MED13L: variants seen among roughly 807,000 people sequenced by gnomAD.
MED13L encodes the protein mediator of RNA polymerase II transcription subunit 13-like.
MED13L carries 7 observed loss-of-function variants against 220.9 expected under a neutral mutation model. The ratio of observed to expected loss-of-function variants is 0.03; its 90% CI spans 0.02 to 0.06. The LOEUF is 0.06. Ranked by LOEUF, MED13L falls within the 10% of genes least tolerant of loss-of-function variation. The probability of loss-of-function intolerance (pLI) is 1.00; values close to 1 mark genes in which losing one functional copy is unlikely to be tolerated. For missense variants in MED13L, 1,965 were observed against 2,760.5 expected (o/e 0.71, Z 6.46); for synonymous variants, 1,011 against 1,015.2 (o/e 1.00, Z 0.08).
intron 2 of MED13L, among the ~76,000 whole-genome samples, chr12:116,230,197 A>C (rs1445525778): frequency 6.6e-6 from 1 of 152,170 alleles, no homozygotes; most frequent in Non-Finnish European, 1.5e-5. Flanking sequence ...TGAGGTCAGG[A>C]GTTCAAGACC....
At position 116,135,601 on chromosome 12, in the gene MED13L, T is replaced by C. The variant is rs534466159; in HGVS notation, c.311-24089A>G. On this transcript the variant is annotated intron_variant, in intron 2 of 30. Coordinates refer to ENST00000281928, the MANE Select transcript of MED13L (RefSeq NM_015335.5). ...TGCCACCAAATTTGGGGTGGTTTGT[T>C]ACACAGCAAAGGATAACTGGAGCAA... 1.4e-4 allele frequency among the ~76,000 whole-genome samples: 21 copies of C among 152,324 alleles called. No individual in the cohort carries two copies. In the South Asian group the frequency reaches 4.1e-3, roughly 30 times the overall value.
intron 2 of MED13L, among the ~76,000 whole-genome samples, chr12:116,131,037 A>T (rs1049872436): frequency 6.6e-6 from 1 of 152,246 alleles, no homozygotes; most frequent in Non-Finnish European, 1.5e-5. Context: ...TGTATATTTT[A>T]AAAGTATACA....
At chr12:116,209,188 G>GT (rs1882538518) in intron 2 of MED13L, among the ~76,000 whole-genome samples, 2 of 152,156 alleles carry the variant, frequency 1.3e-5, no homozygotes, top group Non-Finnish European at 1.5e-5. Context: ...GAGCCTAATG[G>GT]TTTTTTAAAT....
chr12:116,205,090 A>ATTCATC (rs1186714686), intron 2 of MED13L, among the ~76,000 whole-genome samples: 4 of 152,120 alleles, frequency 2.6e-5, no homozygotes, highest in Non-Finnish European at 5.9e-5. Context: ...GGACACACAA[A>ATTCATC]TTCATCTTCA....
rs551000695 is a variant in MED13L at position 116,047,305 on chromosome 12, G to A, written c.480-24704C>T. On this transcript the variant is annotated intron_variant, in intron 4 of 30. Transcript: ENST00000281928. ...AAAGGTCAAGGCAACAGTGAGCCAC[G>A]ACTGCCACTGGACCCCAGCCTGGGT... 7.4e-4 allele frequency among the ~76,000 whole-genome samples: 113 copies of A among 152,186 alleles called. 1 individual carries two copies. Among genetic ancestry groups the A allele is most frequent in the African/African-American group, 2.5e-3 (105 of 41,534 alleles).
intron 2 of MED13L, among the ~76,000 whole-genome samples, chr12:116,151,123 G>A (rs1318857246): frequency 6.6e-6 from 1 of 152,076 alleles, no homozygotes; most frequent in Non-Finnish European, 1.5e-5. Flanking sequence ...GAAAACTACA[G>A]AGAATAAACT....
intron 2 of MED13L, among the ~76,000 whole-genome samples, chr12:116,167,985 A>T (rs1325346589): frequency 6.6e-6 from 1 of 151,940 alleles, no homozygotes; most frequent in Admixed American, 6.6e-5. Flanking sequence ...TGCTAGCTTT[A>T]AAAAAAATAA....
Position 115,985,356 on chromosome 12 carries a change from T to C in MED13L, c.4338+910A>G, listed in dbSNP as rs1877613605. Among the ~76,000 whole-genome samples the C allele has an allele frequency of 2.0e-5, 3 of 152,218 alleles. No individual in the cohort carries two copies. The South Asian group carries it at 6.2e-4, about 32-fold the overall frequency. On this transcript the variant is annotated intron_variant, in intron 19 of 30. Transcript: ENST00000281928. ...TGACTTAATTGATGTCATTACATCATGTTAGCATCTCCTCATTTCTTTGTA... is the reference window on the plus strand; with the variant it reads ...TGACTTAATTGATGTCATTACATCACGTTAGCATCTCCTCATTTCTTTGTA...
chr12:116,036,266 G>C (rs961994051), intron 4 of MED13L, among the ~76,000 whole-genome samples: 8 of 152,310 alleles, frequency 5.3e-5, no homozygotes, highest in South Asian at 2.1e-4. Flanking sequence ...TTTTAAAGCT[G>C]AAAGAAGTTT....
chr12:116,085,817 T>A (rs1053199313), intron 4 of MED13L, among the ~76,000 whole-genome samples: 1 of 150,824 alleles, frequency 6.6e-6, no homozygotes, highest in Non-Finnish European at 1.5e-5. Context: ...AATAAACATG[T>A]TATTGATAAA....
In MED13L at chr12:115,997,219, A is replaced by G. The variant is rs1592930332; in HGVS notation, c.2581T>C (p.Leu861=). The change falls in exon 15 of 31, where the codon TTG becomes CTG. Residue 861 remains leucine, a synonymous_variant. Transcript: ENST00000281928. ...AVPYPPTVAD[L]QRMFPTPPSL... is the part of the protein sequence containing the mutation. ...GGTGGAGTGGGAAACATCCTTTGCAAGTCTGCAACTGCTAAAAATAAGAAA... is the reference window on the plus strand; with the variant it reads ...GGTGGAGTGGGAAACATCCTTTGCAGGTCTGCAACTGCTAAAAATAAGAAA... The G allele has an allele frequency of 6.2e-7, 1 of 1,614,010 alleles. No individual in the cohort carries two copies. The highest frequency in any genetic ancestry group is 8.5e-7 in the Non-Finnish European group (1 of 1,179,952).
chr12:116,180,503 GTATATGCAAATA>G, intron 2 of MED13L, among the ~76,000 whole-genome samples: 2 of 152,224 alleles, frequency 1.3e-5, no homozygotes, highest in Admixed American at 1.3e-4. Context: ...ACATCATTAT[GTATATGCAAATA>G]TTCCAAAATC....
At chr12:116,055,431 T>G (rs1219750173) in intron 4 of MED13L, among the ~76,000 whole-genome samples, 1 of 152,220 alleles carries the variant, frequency 6.6e-6, no homozygotes, top group Non-Finnish European at 1.5e-5. Context: ...TTTCGATCCC[T>G]ACTTTCAGAG....
intron 2 of MED13L, among the ~76,000 whole-genome samples, chr12:116,119,553 T>C (rs1170199471): frequency 6.6e-6 from 1 of 151,946 alleles, no homozygotes; most frequent in Non-Finnish European, 1.5e-5. Flanking sequence ...AAACTAACAC[T>C]TAATCTTAAG....
chr12:116,113,855 GA>G (rs1396082460), intron 2 of MED13L, among the ~76,000 whole-genome samples: 1 of 89,280 alleles, frequency 1.1e-5, no homozygotes, highest in Non-Finnish European at 2.2e-5. Flanking sequence ...AGAGAGAGGA[GA>G]GGGGGAGAGG....
chr12:116,260,428 G>A (rs961601606), intron 1 of MED13L, among the ~76,000 whole-genome samples: 10 of 152,120 alleles, frequency 6.6e-5, no homozygotes, highest in African/African-American at 1.7e-4. Context: ...TCCTGAACAC[G>A]AGGAACCCAG....
rs199767263 is a variant in MED13L, at chr12:115,993,552, TA to T, written c.2997-1596del. Among the ~76,000 whole-genome samples, 625 of 140,806 alleles carry T rather than the reference TA, an allele frequency of 4.4e-3. 2 individuals are homozygous for T. Among genetic ancestry groups the T allele is most frequent in the African/African-American group, 6.9e-3 (268 of 38,622 alleles). The allele number at this position is 140,806 out of a possible 152,430, so 92.4% of individuals were successfully genotyped here. A position where few individuals can be genotyped will look rare whatever the true frequency, so the allele number is the denominator to read the frequency against. ...GCACAGTGGTATCTTTGAGTACAGA[TA>T]AAAAAAAAAAAATGACCCAGAAAAC... On this transcript the variant is annotated intron_variant, in intron 16 of 30. Coordinates refer to ENST00000281928, the MANE Select transcript of MED13L (RefSeq NM_015335.5).
chr12:116,015,525 C>G (rs900959730), intron 7 of MED13L, among the ~76,000 whole-genome samples: 1 of 152,104 alleles, frequency 6.6e-6, no homozygotes, highest in Non-Finnish European at 1.5e-5. Context: ...GATGAACACT[C>G]ACACAACCAT....
intron 4 of MED13L, 123 bp downstream of exon 4, chr12:116,096,546 T>C: frequency 1.4e-6 from 1 of 698,094 alleles, no homozygotes; most frequent in South Asian, 1.6e-5. Flanking sequence ...AACACTGTGA[T>C]CCAGGATCTA....
Sources: allele counts gnomAD v4.1 joint callset (sites outside exome capture counted in the v4.1 genomes callset), GRCh38; gene constraint gnomAD v4.1.1; transcripts MANE v1.5; gene names NCBI Gene and HGNC (gene_info 2026-07-23, HGNC 2026-07-21).